FOXP2: variants seen among roughly 807,000 people sequenced by gnomAD.
FOXP2 encodes forkhead box protein P2.
A neutral mutation model predicts 115.8 loss-of-function variants in FOXP2; 12 were observed. That is an observed-to-expected ratio of 0.10 (90% CI 0.07 to 0.17). The LOEUF is 0.17. FOXP2 is among the 10% of genes least tolerant of loss of function. The pLI, the probability that FOXP2 is intolerant of heterozygous loss-of-function variation, is 1.00. For synonymous variants in FOXP2, 328 were observed against 297.7 expected (o/e 1.10, Z -1.05); for missense variants, 629 against 843.5 (o/e 0.75, Z 3.15).
intron 1 of FOXP2, among the ~76,000 whole-genome samples, chr7:114,094,916 A>G (rs1373065322): frequency 6.6e-6 from 1 of 152,122 alleles, no homozygotes; most frequent in Non-Finnish European, 1.5e-5. Flanking sequence ...ACCTACTCCC[A>G]TTCCCTTGCC....
intron 3 of FOXP2, among the ~76,000 whole-genome samples, chr7:114,627,651 T>TTATATC (rs1037515063): frequency 1.9e-3 from 284 of 152,192 alleles, no homozygotes; most frequent in African/African-American, 6.6e-3. Context: ...TCTTTCTCCT[T>TTATATC]TATATCTTTT....
chr7:114,192,800 A>G (rs1312541330), intron 1 of FOXP2, among the ~76,000 whole-genome samples: 9 of 152,240 alleles, frequency 5.9e-5, no homozygotes. Flanking sequence ...AAAGTACTGT[A>G]TACATTTAAA....
intron 1 of FOXP2, among the ~76,000 whole-genome samples, chr7:114,148,898 T>C (rs1792456178): frequency 6.6e-6 from 1 of 152,174 alleles, no homozygotes; most frequent in Non-Finnish European, 1.5e-5. Flanking sequence ...TTACTACTTT[T>C]TATTCATCCA....
chr7:114,669,763 C>T (rs1259651897), intron 16 of FOXP2: 1 of 152,020 alleles, frequency 6.6e-6, no homozygotes, highest in Non-Finnish European at 1.5e-5. Flanking sequence ...AATCCATTTC[C>T]TGTCTACTTC....
In FOXP2 at chr7:114,652,269, G is replaced by T. The variant is rs375090951; in HGVS notation, c.1161G>T (p.Val387=). Residue 387 remains valine (V), a synonymous_variant, in exon 9 of 17, where the codon GTG becomes GTT. Transcript: ENST00000350908. ...STAQCRVQMQ[V]VQQLEIQLSK... Reference sequence around the variant, plus strand: ...CTCAGTGTCGAGTGCAAATGCAGGTGGTGCAACAGTTAGAAATACAGGTTT... The same window carrying T: ...CTCAGTGTCGAGTGCAAATGCAGGTTGTGCAACAGTTAGAAATACAGGTTT... 12 of 1,612,852 alleles carry T rather than the reference G, an allele frequency of 7.4e-6. No individual in the cohort carries two copies. Among genetic ancestry groups the T allele is most frequent in the South Asian group, 1.1e-5 (1 of 91,052 alleles).
chr7:114,523,439 A>G (rs964216782), intron 2 of FOXP2, among the ~76,000 whole-genome samples: 2 of 152,052 alleles, frequency 1.3e-5, no homozygotes, highest in Admixed American at 6.6e-5. Flanking sequence ...AGCCTCGGTG[A>G]CATATGCAGA....
At chr7:114,667,762 A>T (rs1807248458) in intron 16 of FOXP2, 1 of 152,166 alleles carries the variant, frequency 6.6e-6, no homozygotes, top group African/African-American at 2.4e-5. Context: ...CTTTGACACG[A>T]TCAGAGCTAT....
At chr7:114,316,500 G>A (rs1236819041) in intron 2 of FOXP2, among the ~76,000 whole-genome samples, 2 of 152,170 alleles carry the variant, frequency 1.3e-5, no homozygotes, top group African/African-American at 4.8e-5. Flanking sequence ...TATGCTAAGT[G>A]ATGATATGCA....
chr7:114,652,355 C>A (rs1165895499), intron 9 of FOXP2, 65 bp downstream of exon 9: 3 of 1,435,808 alleles, frequency 2.1e-6, no homozygotes, highest in Non-Finnish European at 2.9e-6. Flanking sequence ...GAGTACTGAG[C>A]AGATTCTGGG....
intron 1 of FOXP2, among the ~76,000 whole-genome samples, chr7:114,260,483 T>G (rs760932826): frequency 4.6e-5 from 7 of 152,034 alleles, no homozygotes; most frequent in Non-Finnish European, 8.8e-5. Context: ...CTTCATAAAA[T>G]TATCTAAGAA....
chr7:114,347,878 T>G (rs2129185216), intron 2 of FOXP2, among the ~76,000 whole-genome samples: 1 of 152,186 alleles, frequency 6.6e-6, no homozygotes, highest in East Asian at 1.9e-4. Flanking sequence ...GCATATTATT[T>G]AAAAATCTTG....
chr7:114,491,050 T>A (rs1797024948), intron 2 of FOXP2, among the ~76,000 whole-genome samples: 1 of 152,326 alleles, frequency 6.6e-6, no homozygotes, highest in South Asian at 2.1e-4. Context: ...CAAATGGTAT[T>A]TCTAGTTCTA....
intron 16 of FOXP2, chr7:114,668,255 T>C (rs1187190816): frequency 6.6e-6 from 1 of 152,138 alleles, no homozygotes; most frequent in Non-Finnish European, 1.5e-5. Context: ...AAGATGTTTT[T>C]TGAAGCATTA....
chr7:114,520,746 G>T (rs79710067), intron 2 of FOXP2, among the ~76,000 whole-genome samples: 1 of 151,994 alleles, frequency 6.6e-6, no homozygotes. Context: ...ATTTTTGCCT[G>T]TTAGTTTAGA....
At chr7:114,662,241 A>G (rs985751726) in intron 14 of FOXP2, 55 bp downstream of exon 14, 1 of 1,608,006 alleles carries the variant, frequency 6.2e-7, no homozygotes, top group African/African-American at 1.3e-5. Context: ...GGAAAAGTAA[A>G]TACTTTAAGT....
chr7:114,383,727 A>G (rs1292637591), intron 2 of FOXP2, among the ~76,000 whole-genome samples: 1 of 152,060 alleles, frequency 6.6e-6, no homozygotes, highest in Non-Finnish European at 1.5e-5. Flanking sequence ...CTGAGGGTCA[A>G]ATTGGTCCTA....
At chr7:114,362,874 T>C (rs1163320047) in intron 2 of FOXP2, among the ~76,000 whole-genome samples, 14 of 152,050 alleles carry the variant, frequency 9.2e-5, no homozygotes, top group Non-Finnish European at 2.1e-4. Context: ...AAGAGGAGCA[T>C]AGCTGTTTGG....
intron 2 of FOXP2, among the ~76,000 whole-genome samples, chr7:114,503,244 A>G (rs1193518543): frequency 2.0e-5 from 3 of 151,858 alleles, no homozygotes; most frequent in Non-Finnish European, 4.4e-5. Context: ...AGCAAATTTG[A>G]CCTGACAAAA....
intron 1 of FOXP2, among the ~76,000 whole-genome samples, chr7:114,177,804 T>C (rs951817079): frequency 6.6e-6 from 1 of 151,998 alleles, no homozygotes; most frequent in Non-Finnish European, 1.5e-5. Flanking sequence ...TATTTTATCA[T>C]GGTGAGAACA....
Sources: allele counts gnomAD v4.1 joint callset (sites outside exome capture counted in the v4.1 genomes callset), GRCh38; gene constraint gnomAD v4.1.1; transcripts MANE v1.5; gene names NCBI Gene and HGNC (gene_info 2026-07-23, HGNC 2026-07-21).